Variants in CLDN14 observed in about 807,000 individuals in gnomAD.
The protein encoded by CLDN14 is claudin-14.
CLDN14 carries 2 observed loss-of-function variants against 2.1 expected under a neutral mutation model. That is an observed-to-expected ratio of 0.96 (90% CI 0.39 to 3.01). CLDN14 has a LOEUF of 3.01. Among genes scored for constraint, CLDN14 ranks in the 30% most tolerant of loss-of-function variants. The pLI is 0.09. For missense variants in CLDN14, 298 were observed against 328.0 expected, an observed-to-expected ratio of 0.91 and a Z score of 0.71; for synonymous variants, 136 against 154.4, an observed-to-expected ratio of 0.88 and a Z score of 0.88.
Position 36,461,207 on chromosome 21 carries a change from G to C in CLDN14, c.489C>G (p.Ala163=), listed in dbSNP as rs779757519. Residue 163 remains alanine, a synonymous_variant, in exon 2 of 2, where the codon GCC becomes GCG. Transcript: ENST00000399135. The stretch of plus-strand genomic sequence containing the variant: ...ACGAGGAGATGAAGCCCAGGTACAG[G>C]GCCTGGCCAATCTCAAACTTCATGC... ...PSGMKFEIGQ[A]LYLGFISSSL... 1 of 1,614,132 alleles carries C rather than the reference G, an allele frequency of 6.2e-7. No individual in the cohort carries two copies. Among genetic ancestry groups the C allele is most frequent in the Non-Finnish European group, 8.5e-7 (1 of 1,180,014 alleles).
intron 1 of CLDN14, among the ~76,000 whole-genome samples, chr21:36,546,420 C>G (rs2087525931): frequency 6.6e-6 from 1 of 152,138 alleles, no homozygotes; most frequent in African/African-American, 2.4e-5. Flanking sequence ...TTTTTTATCA[C>G]TAGACACTGT....
At chr21:36,545,448 C>A (rs1474235033) in intron 1 of CLDN14, among the ~76,000 whole-genome samples, 1 of 152,036 alleles carries the variant, frequency 6.6e-6, no homozygotes, top group Non-Finnish European at 1.5e-5. Flanking sequence ...CCTTAGCCCT[C>A]CAGAAGATCA....
intron 1 of CLDN14, among the ~76,000 whole-genome samples, chr21:36,549,662 T>C (rs1446972387): frequency 6.6e-6 from 1 of 152,218 alleles, no homozygotes; most frequent in Non-Finnish European, 1.5e-5. Context: ...AAGATCACGG[T>C]TGGCCAGCAT....
At chr21:36,475,478 C>G (rs900186406) in intron 1 of CLDN14, among the ~76,000 whole-genome samples, 4 of 152,166 alleles carry the variant, frequency 2.6e-5, no homozygotes, top group Non-Finnish European at 5.9e-5. Flanking sequence ...GGGGTGGGGT[C>G]CATGCATGGG....
At chr21:36,521,690 G>C (rs572926662) in intron 1 of CLDN14, among the ~76,000 whole-genome samples, 286 of 152,324 alleles carry the variant, frequency 1.9e-3, no homozygotes, top group African/African-American at 6.4e-3. Flanking sequence ...GGTGGTCACT[G>C]CTGGGAGTAG....
Position 36,537,249 on chromosome 21 carries a change from G to A in CLDN14, c.-219-26749C>T, listed in dbSNP as rs115562992. On this transcript the variant is annotated intron_variant, in intron 1 of 2. Transcript: ENST00000342108. ...AAACAAATCTGCAGAGAGAGAGAGA[G>A]AAAAAAAAATCCAGGCTGTGGGGTT... 4.5e-3 allele frequency among the ~76,000 whole-genome samples: 673 copies of A among 147,996 alleles called. 3 individuals are homozygous for A. The highest frequency in any genetic ancestry group is 0.021 in the East Asian group (104 of 5,062).
chr21:36,481,946 C>T (rs1053767039), upstream of CLDN14, among the ~76,000 whole-genome samples: 1 of 152,220 alleles, frequency 6.6e-6, no homozygotes, highest in African/African-American at 2.4e-5. Flanking sequence ...CACAGGCACA[C>T]ACAGAGCGAG....
upstream of CLDN14, among the ~76,000 whole-genome samples, chr21:36,484,026 A>G (rs1383715459): frequency 2.6e-5 from 4 of 152,200 alleles, no homozygotes; most frequent in South Asian, 2.1e-4. Flanking sequence ...TCCGCCCTTC[A>G]CTGAGGAGGA....
chr21:36,574,110 A>G (rs1383669378), intron 1 of CLDN14, among the ~76,000 whole-genome samples: 1 of 152,202 alleles, frequency 6.6e-6, no homozygotes, highest in African/African-American at 2.4e-5. Flanking sequence ...ATTATTTTGA[A>G]AAAACCCCAC....
At chr21:36,562,040 G>T (rs928579316) in intron 1 of CLDN14, among the ~76,000 whole-genome samples, 2 of 151,718 alleles carry the variant, frequency 1.3e-5, no homozygotes, top group African/African-American at 4.8e-5. Context: ...CATTCCTTCT[G>T]CAATATTCCT....
chr21:36,505,939 G>T (rs943105174), intron 2 of CLDN14, among the ~76,000 whole-genome samples: 1 of 152,180 alleles, frequency 6.6e-6, no homozygotes, highest in Non-Finnish European at 1.5e-5. Flanking sequence ...TACTGTCAGT[G>T]TCTTTTTTGG....
chr21:36,557,520 T>C (rs532391115), intron 1 of CLDN14, among the ~76,000 whole-genome samples: 2 of 152,342 alleles, frequency 1.3e-5, no homozygotes, highest in East Asian at 3.9e-4. Flanking sequence ...TTGATTCGCA[T>C]TTCCTTGATG....
chr21:36,547,575 C>T (rs1402548525), intron 1 of CLDN14, among the ~76,000 whole-genome samples: 2 of 152,150 alleles, frequency 1.3e-5, no homozygotes, highest in Non-Finnish European at 2.9e-5. Context: ...GGCCGCTGCT[C>T]CCGGCATGAT....
At position 36,570,390 on chromosome 21, in the gene CLDN14, C is replaced by T. The variant is rs369773528; in HGVS notation, c.-220+6021G>A. On this transcript the variant is annotated intron_variant, in intron 1 of 2. Coordinates refer to the CLDN14 transcript ENST00000342108. Reference sequence around the variant, plus strand: ...GGAGGAGGGTATGATGAGGCATGTCCGACTCCCTCTTCCCATCATGACCTG... The same window carrying T: ...GGAGGAGGGTATGATGAGGCATGTCTGACTCCCTCTTCCCATCATGACCTG... 6.6e-5 allele frequency among the ~76,000 whole-genome samples: 10 copies of T among 152,206 alleles called. No homozygotes were observed. In the South Asian group the frequency reaches 1.2e-3, roughly 19 times the overall value.
chr21:36,507,254 A>G (rs1034743648), intron 2 of CLDN14, among the ~76,000 whole-genome samples: 1 of 152,152 alleles, frequency 6.6e-6, no homozygotes, highest in Non-Finnish European at 1.5e-5. Flanking sequence ...AAAAACACAC[A>G]ACTCCCAGTG....
chr21:36,477,759 C>G (rs1221254614), intron 1 of CLDN14, among the ~76,000 whole-genome samples: 1 of 152,218 alleles, frequency 6.6e-6, no homozygotes, highest in African/African-American at 2.4e-5. Context: ...GTGGTAGCAG[C>G]TTAGGCCCAG....
intron 1 of CLDN14, among the ~76,000 whole-genome samples, chr21:36,554,223 AC>A (rs1028079258): frequency 3.3e-5 from 5 of 151,660 alleles, no homozygotes; most frequent in South Asian, 4.2e-4. Flanking sequence ...CAGCATCCCA[AC>A]CCCCCCAGGC....
chr21:36,525,942 C>G (rs966606187), intron 1 of CLDN14, among the ~76,000 whole-genome samples: 26 of 152,252 alleles, frequency 1.7e-4, no homozygotes, highest in African/African-American at 6.3e-4. Context: ...AAAGCCTGGC[C>G]CCTGGACCAG....
intron 2 of CLDN14, among the ~76,000 whole-genome samples, chr21:36,497,415 A>G (rs187059052): frequency 0.014 from 285 of 20,164 alleles, 42 homozygotes; most frequent in Non-Finnish European, 0.048. Context: ...GGGAGGGAGG[A>G]AGGGAGGGAG....
Sources: gnomAD v4.1 joint callset for allele counts (sites outside exome capture counted in the v4.1 genomes callset) on GRCh38, gnomAD v4.1.1 for gene constraint, MANE v1.5 for transcripts, NCBI Gene and HGNC (gene_info 2026-07-23, HGNC 2026-07-21) for gene names.